ASIC2: variants seen among roughly 807,000 people sequenced by gnomAD.
ASIC2 encodes the protein acid sensing ion channel subunit 2, also known as acid-sensing ion channel 2.
Under a neutral mutation model 57.3 loss-of-function variants are expected in ASIC2, and 25 were observed. That is an observed-to-expected ratio of 0.44 (90% confidence interval 0.32 to 0.61). ASIC2 has a LOEUF of 0.61. ASIC2 is among the 20% of genes least tolerant of loss of function. The pLI is 0.06. For synonymous variants in ASIC2, 319 were observed against 307.5 expected (o/e 1.04, Z -0.39); for missense variants, 641 against 738.1 (o/e 0.87, Z 1.52).
At chr17:33,988,425 A>G (rs372444953) in intron 1 of ASIC2, among the ~76,000 whole-genome samples, 4 of 152,164 alleles carry the variant, frequency 2.6e-5, no homozygotes, top group African/African-American at 7.2e-5. Flanking sequence ...GCCTGCTGCC[A>G]TCCATGTAAG....
intron 1 of ASIC2, among the ~76,000 whole-genome samples, chr17:33,218,287 G>A (rs761587117): frequency 4.6e-5 from 7 of 152,136 alleles, no homozygotes; most frequent in Non-Finnish European, 7.3e-5. Flanking sequence ...ATGCTGCGGG[G>A]CAGGCCCAGG....
At chr17:34,146,376 G>C (rs1339384872) in intron 1 of ASIC2, among the ~76,000 whole-genome samples, 1 of 152,188 alleles carries the variant, frequency 6.6e-6, no homozygotes, top group African/African-American at 2.4e-5. Flanking sequence ...TCAATACACA[G>C]GTTGGGTTCC....
intron 1 of ASIC2, among the ~76,000 whole-genome samples, chr17:33,395,192 C>G (rs1910033564): frequency 6.6e-6 from 1 of 151,950 alleles, no homozygotes; most frequent in Admixed American, 6.6e-5. Context: ...TTCCATCAAC[C>G]TATCCATTCA....
chr17:33,294,069 A>C (rs1482572462), upstream of ASIC2, among the ~76,000 whole-genome samples: 1 of 152,152 alleles, frequency 6.6e-6, no homozygotes, highest in Non-Finnish European at 1.5e-5. Context: ...CCTACTGCTC[A>C]GCCCTGGCCC....
At chr17:33,054,364 C>T (rs1465872226) in intron 3 of ASIC2, among the ~76,000 whole-genome samples, 1 of 152,192 alleles carries the variant, frequency 6.6e-6, no homozygotes, top group East Asian at 1.9e-4. Context: ...GTAGCTTTCC[C>T]TCCCTGGGCC....
intron 1 of ASIC2, among the ~76,000 whole-genome samples, chr17:34,011,376 G>A (rs62056823): frequency 0.41 from 62,133 of 151,728 alleles, 13,106 homozygotes; most frequent in East Asian, 0.53. Context: ...TAAGGCAAGG[G>A]CTACACTCTA....
chr17:33,862,128 C>T (rs1420241941), intron 1 of ASIC2, among the ~76,000 whole-genome samples: 1 of 152,338 alleles, frequency 6.6e-6, no homozygotes, highest in African/African-American at 2.4e-5. Flanking sequence ...CTTGCAAGAG[C>T]AAGAGGCCCC....
intron 1 of ASIC2, among the ~76,000 whole-genome samples, chr17:33,779,349 C>A (rs1307159679): frequency 1.3e-5 from 2 of 151,714 alleles, no homozygotes; most frequent in African/African-American, 2.4e-5. Context: ...CCTGGGAACT[C>A]AACACAAGAA....
intron 1 of ASIC2, among the ~76,000 whole-genome samples, chr17:33,527,037 G>T (rs1421339604): frequency 2.0e-5 from 3 of 152,158 alleles, no homozygotes; most frequent in East Asian, 1.9e-4. Flanking sequence ...GGATGTTTCT[G>T]GTCGGAGCCC....
At chr17:33,299,078 G>A (rs1210704268) in intron 1 of ASIC2, among the ~76,000 whole-genome samples, 2 of 152,132 alleles carry the variant, frequency 1.3e-5, no homozygotes, top group Admixed American at 6.5e-5. Flanking sequence ...TCACAGAATT[G>A]GAAAAAACTA....
chr17:33,520,343 C>T (rs963348060), intron 1 of ASIC2, among the ~76,000 whole-genome samples: 2 of 152,190 alleles, frequency 1.3e-5, no homozygotes, highest in African/African-American at 2.4e-5. Flanking sequence ...TGTGTCTGCA[C>T]CTGCAGAACA....
At chr17:33,397,418 C>T (rs1910117630) in intron 1 of ASIC2, among the ~76,000 whole-genome samples, 1 of 152,150 alleles carries the variant, frequency 6.6e-6, no homozygotes. Flanking sequence ...GCTCTGTAGT[C>T]CCTGTAACTA....
chr17:34,102,494 A>G (rs1171377686), intron 1 of ASIC2, among the ~76,000 whole-genome samples: 1 of 152,146 alleles, frequency 6.6e-6, no homozygotes, highest in Non-Finnish European at 1.5e-5. Context: ...CACACCCCAG[A>G]AAACCATCAT....
At chr17:33,894,346 C>T (rs75665229) in intron 1 of ASIC2, among the ~76,000 whole-genome samples, 35,270 of 85,956 alleles carry the variant, frequency 0.41, 4,578 homozygotes, top group Admixed American at 0.42. Flanking sequence ...TGCGTGCGTG[C>T]GTGCGTGTGT....
chr17:33,621,262 C>T (rs977914648), intron 1 of ASIC2, among the ~76,000 whole-genome samples: 3 of 152,142 alleles, frequency 2.0e-5, no homozygotes, highest in Non-Finnish European at 4.4e-5. Context: ...TGTAAGAGTC[C>T]AGACCTTGTC....
intron 1 of ASIC2, among the ~76,000 whole-genome samples, chr17:34,030,357 C>T (rs571372952): frequency 1.7e-4 from 26 of 152,284 alleles, no homozygotes; most frequent in Non-Finnish European, 3.1e-4. Context: ...TGAATTAACA[C>T]CATCCGAATG....
chr17:33,678,435 C>CCA (rs71144896), intron 1 of ASIC2, among the ~76,000 whole-genome samples: 4,558 of 139,532 alleles, frequency 0.033, 101 homozygotes, highest in Middle Eastern at 0.066. Flanking sequence ...CTGGTTCAAT[C>CCA]CACACACACA....
chr17:33,055,293 C>G (rs2091993388), intron 3 of ASIC2, among the ~76,000 whole-genome samples: 1 of 152,188 alleles, frequency 6.6e-6, no homozygotes, highest in South Asian at 2.1e-4. Flanking sequence ...GGCCACCCAA[C>G]TCACTCTGAC....
chr17:33,726,706 C>A (rs1909572183), intron 1 of ASIC2, among the ~76,000 whole-genome samples: 1 of 152,212 alleles, frequency 6.6e-6, no homozygotes, highest in African/African-American at 2.4e-5. Context: ...CTGGTCCACC[C>A]ATTCCTTAGG....
Sources: allele counts gnomAD v4.1 joint callset (sites outside exome capture counted in the v4.1 genomes callset), GRCh38; gene constraint gnomAD v4.1.1; transcripts MANE v1.5; gene names NCBI Gene and HGNC (gene_info 2026-07-23, HGNC 2026-07-21).